PFKM: variants seen among roughly 807,000 people sequenced by gnomAD.
PFKM encodes the protein phosphofructokinase, muscle, also known as ATP-dependent 6-phosphofructokinase, muscle type.
A neutral mutation model predicts 95.5 loss-of-function variants in PFKM; 58 were observed. That is an observed-to-expected ratio of 0.61 (90% CI 0.49 to 0.76). The LOEUF (loss-of-function observed/expected upper bound fraction) is 0.76. Ranked by LOEUF, PFKM falls within the 30% of genes least tolerant of loss-of-function variation. The pLI is 0.00. For synonymous variants in PFKM, 336 were observed against 357.2 expected (o/e 0.94, Z 0.67); for missense variants, 678 against 1,005.4 (o/e 0.67, Z 4.40).
Position 48,145,535 on chromosome 12 carries a change from A to T in PFKM, c.2199-29A>T. 1 of 1,613,614 alleles carries T rather than the reference A, an allele frequency of 6.2e-7. No homozygotes were observed. Among genetic ancestry groups the T allele is most frequent in the Non-Finnish European group, 8.5e-7 (1 of 1,179,582 alleles). ...AAGTTGATTGGGGTGCTAAAAGATTATATCATCATCTACCTCATTCCTCTG... is the reference window on the plus strand; with the variant it reads ...AAGTTGATTGGGGTGCTAAAAGATTTTATCATCATCTACCTCATTCCTCTG... On this transcript the variant is annotated intron_variant, in intron 22 of 22. Transcript: ENST00000359794. The surrounding 1 kb of genome is among the most constrained non-coding windows in gnomAD (Gnocchi z 4.3).
chr12:48,121,877 T>C (rs1212816147), intron 1 of PFKM, among the ~76,000 whole-genome samples: 1 of 152,068 alleles, frequency 6.6e-6, no homozygotes, highest in Non-Finnish European at 1.5e-5. Context: ...AAATAACAGG[T>C]TTTAGCCTGA....
chr12:48,121,546 A>T (rs576679369), intron 1 of PFKM, among the ~76,000 whole-genome samples: 1 of 152,346 alleles, frequency 6.6e-6, no homozygotes, highest in East Asian at 1.9e-4. Context: ...ATGTCTCTAT[A>T]GGCAGCTACC....
exon 1 of PFKM, chr12:48,105,976 G>A (rs1276630747): frequency 7.1e-6 from 5 of 699,674 alleles, no homozygotes; most frequent in Non-Finnish European, 1.0e-5. Context: ...CAGTCTCCTG[G>A]ACCAGGCTCC....
rs1407855288 is a variant in PFKM, at chr12:48,142,871, T to C, written c.1743T>C (p.Ala581=). 6.2e-7 allele frequency: 1 copy of C among 1,614,186 alleles called. No individual in the cohort carries two copies. Among genetic ancestry groups the C allele is most frequent in the Admixed American group, 1.7e-5 (1 of 60,030 alleles). ...TGGGTGGCTACTGTGGCTACCTGGC[T>C]ACCATGGCTGGACTGGCAGCTGGGG... ...ETMGGYCGYL[A]TMAGLAAGAD... is the part of the protein sequence containing the mutation. The change falls in exon 18 of 23, where the codon GCT becomes GCC. Residue 581 remains alanine (A), a synonymous_variant. Transcript: ENST00000359794.
At position 48,129,210 on chromosome 12, in the gene PFKM, C is replaced by CTTTT. The variant is rs778761447; in HGVS notation, c.86-1123_86-1120dup. On this transcript the variant is annotated intron_variant, in intron 2 of 22. Coordinates refer to ENST00000359794, the MANE Select transcript of PFKM (RefSeq NM_000289.6). ...GTTCTGTTTTGTTTTAATTTTCTTT[C>CTTTT]TTTTTTTTTTTTTTTTTTTTTTTTT... is the stretch of plus-strand genomic sequence containing the variant. Among the ~76,000 whole-genome samples the CTTTT allele has an allele frequency of 7.6e-3, 167 of 21,996 alleles. 13 individuals are homozygous for CTTTT. Among genetic ancestry groups the CTTTT allele is most frequent in the Non-Finnish European group, 0.011 (131 of 11,448 alleles). The allele number at this position is 21,996 out of a possible 152,430, so 14.4% of individuals were successfully genotyped here. A position where few individuals can be genotyped will look rare whatever the true frequency, so the allele number is the denominator to read the frequency against.
intron 2 of PFKM, among the ~76,000 whole-genome samples, chr12:48,125,783 C>T (rs1048108559): frequency 7.2e-5 from 11 of 152,182 alleles, no homozygotes; most frequent in Admixed American, 3.3e-4. Flanking sequence ...AAGGTTCGCA[C>T]GAACAGAGAT....
chr12:48,119,303 T>G (rs12306290), upstream of PFKM: 308,428 of 982,162 alleles, frequency 0.31, 48,839 homozygotes, highest in Non-Finnish European at 0.32. Flanking sequence ...CCCCTCCCTC[T>G]TTGCCTCCAC....
In PFKM at chr12:48,145,180, T is replaced by A. The variant is rs750240493; in HGVS notation, c.2093-30T>A. On this transcript the variant is annotated intron_variant, in intron 21 of 22. Coordinates refer to ENST00000359794, the MANE Select transcript of PFKM (RefSeq NM_000289.6). This position sits in a 1 kb window ranked among gnomAD's most constrained non-coding sequence, Gnocchi z 4.3. Reference sequence around the variant, plus strand: ...CTCTATAGAGGCTGGTTCCCCAGTATAGAAGCTGACTGCCCATCCCTCATT... The same window carrying A: ...CTCTATAGAGGCTGGTTCCCCAGTAAAGAAGCTGACTGCCCATCCCTCATT... 6.2e-7 allele frequency: 1 copy of A among 1,612,346 alleles called. No homozygotes were observed. Among genetic ancestry groups the A allele is most frequent in the Non-Finnish European group, 8.5e-7 (1 of 1,178,336 alleles).
intron 11 of PFKM, 68 bp from the exon 12 acceptor site, chr12:48,139,217 G>A (rs1950367085): frequency 8.2e-7 from 1 of 1,218,066 alleles, no homozygotes; most frequent in Non-Finnish European, 1.2e-6. Flanking sequence ...GTTCGACTGT[G>A]GGATGGAGTT....
chr12:48,105,886 G>T, upstream of PFKM: 1 of 617,538 alleles, frequency 1.6e-6, no homozygotes, highest in Non-Finnish European at 2.9e-6. Context: ...CCAGGGGGCG[G>T]GGCAGAGGAA....
intron 10 of PFKM, 97 bp downstream of exon 10, chr12:48,135,480 C>A: frequency 1.2e-6 from 1 of 835,508 alleles, no homozygotes; most frequent in Non-Finnish European, 2.0e-6. Context: ...GGACTTACAT[C>A]ACTGGTCGCA....
intron 12 of PFKM, 136 bp from the exon 13 acceptor site, chr12:48,139,702 CCTGTCCCTGCT>C: frequency 1.4e-6 from 1 of 711,782 alleles, no homozygotes; most frequent in Non-Finnish European, 2.6e-6. Context: ...CAGCCCCTGC[CCTGTCCCTGCT>C]CTGCCCCAGT....
At chr12:48,136,548 G>A (rs1950102121) in intron 10 of PFKM, among the ~76,000 whole-genome samples, 1 of 151,856 alleles carries the variant, frequency 6.6e-6, no homozygotes, top group Admixed American at 6.6e-5. Context: ...AGTTCAATTG[G>A]GTTGTATGGT....
At chr12:48,115,626 G>T (rs539246774), upstream of PFKM, among the ~76,000 whole-genome samples, 42 of 152,286 alleles carry the variant, frequency 2.8e-4, no homozygotes, top group African/African-American at 7.7e-4. Context: ...GGATGTATAC[G>T]TGCAGGTCAC....
At chr12:48,112,558 A>C (rs1385966883) in intron 3 of PFKM, among the ~76,000 whole-genome samples, 1 of 152,210 alleles carries the variant, frequency 6.6e-6, no homozygotes, top group Non-Finnish European at 1.5e-5. Flanking sequence ...GTGAAAGTGA[A>C]GTGAGGCTGG....
intron 4 of PFKM, 22 bp from the exon 5 acceptor site, chr12:48,132,846 C>A: frequency 6.3e-7 from 1 of 1,595,558 alleles, no homozygotes; most frequent in Non-Finnish European, 8.6e-7. Context: ...CTCTGGGGAG[C>A]TGACTTCTAC....
At chr12:48,145,000 C>T in intron 20 of PFKM, 31 bp from the exon 21 acceptor site, 1 of 1,447,000 alleles carries the variant, frequency 6.9e-7, no homozygotes, top group Non-Finnish European at 9.7e-7. Context: ...TAGAGTCCTT[C>T]CCTCTGTAAT....
In PFKM at chr12:48,134,291, C is replaced by A. The variant is rs376150217; in HGVS notation, c.638+15C>A. 482 of 1,610,136 alleles carry A rather than the reference C, an allele frequency of 3.0e-4. No individual in the cohort carries two copies. Among genetic ancestry groups the A allele is most frequent in the Non-Finnish European group, 4.0e-4 (473 of 1,176,438 alleles). On this transcript the variant is annotated intron_variant, in intron 7 of 22. Transcript: ENST00000359794. Reference sequence around the variant, plus strand: ...CGCCACTGTGGGTAAGATCCTCATTCTGACCCATTTATTCCGTGGACCTAG... The same window carrying A: ...CGCCACTGTGGGTAAGATCCTCATTATGACCCATTTATTCCGTGGACCTAG...
intron 10 of PFKM, 57 bp downstream of exon 10, chr12:48,135,440 G>GC: frequency 2.4e-6 from 3 of 1,251,364 alleles, no homozygotes; most frequent in Non-Finnish European, 3.5e-6. Flanking sequence ...TTGTAGTCCT[G>GC]CCCCCTCAGG....
Sources: allele counts gnomAD v4.1 joint callset (sites outside exome capture counted in the v4.1 genomes callset), GRCh38; gene constraint gnomAD v4.1.1; non-coding constraint Gnocchi (gnomAD v3.1); transcripts MANE v1.5; gene names NCBI Gene and HGNC (gene_info 2026-07-23, HGNC 2026-07-21).